The following MYO9B variants were observed in gnomAD, a reference collection of about 807,000 sequenced individuals.
MYO9B encodes the protein myosin IXB.
In MYO9B, 71 loss-of-function variants were observed where a neutral mutation model predicts 229.5. The ratio of observed to expected loss-of-function variants is 0.31; its 90% CI spans 0.26 to 0.38. MYO9B has a LOEUF of 0.38. Ranked by LOEUF, MYO9B falls within the 10% of genes least tolerant of loss-of-function variation. The probability of loss-of-function intolerance (pLI) is 1.00; values close to 1 mark genes in which losing one functional copy is unlikely to be tolerated. For missense variants in MYO9B, 2,255 were observed against 2,920.5 expected (o/e 0.77, Z 5.25); for synonymous variants, 1,185 against 1,235.8 (o/e 0.96, Z 0.86).
At chr19:17,200,499 C>T (rs8107108) in intron 25 of MYO9B, 73 bp downstream of exon 25, 114,546 of 1,519,530 alleles carry the variant, frequency 0.075, 4,786 homozygotes, top group African/African-American at 0.15. Context: ...TGTCCCCAAA[C>T]GGGGCCTTGA....
At chr19:17,158,710 G>C (rs1025568961) in intron 7 of MYO9B, among the ~76,000 whole-genome samples, 3 of 152,162 alleles carry the variant, frequency 2.0e-5, no homozygotes, top group Non-Finnish European at 4.4e-5. Context: ...CGTGTCGGCT[G>C]TCTGGGTAAG....
chr19:17,125,811 GA>G (rs1360415000), intron 2 of MYO9B, among the ~76,000 whole-genome samples: 1 of 152,202 alleles, frequency 6.6e-6, no homozygotes, highest in Non-Finnish European at 1.5e-5. Flanking sequence ...TGAGCAACCA[GA>G]AAAGAACAGA....
In MYO9B at chr19:17,172,299, T is replaced by C. The variant is rs752150628; in HGVS notation, c.1794-37T>C. The stretch of plus-strand genomic sequence containing the variant: ...AATACACAGCAGGTAAATCAGCCGC[T>C]GTTCATGCCTGCAAAGGTTCCATGT... On this transcript the variant is annotated intron_variant, in intron 11 of 39. Transcript: ENST00000682292. The surrounding 1 kb of genome is among the most constrained non-coding windows in gnomAD (Gnocchi z 8.2). 6.2e-7 allele frequency: 1 copy of C among 1,608,646 alleles called. No homozygotes were observed. Among genetic ancestry groups the C allele is most frequent in the South Asian group, 1.1e-5 (1 of 90,950 alleles).
intron 10 of MYO9B, among the ~76,000 whole-genome samples, chr19:17,166,691 C>A (rs1353009203): frequency 6.6e-6 from 1 of 152,048 alleles, no homozygotes; most frequent in African/African-American, 2.4e-5. Context: ...GTGTGTTGTT[C>A]CCCTCTATGT....
At chr19:17,150,496 A>C (rs558133602) in intron 3 of MYO9B, among the ~76,000 whole-genome samples, 1 of 151,696 alleles carries the variant, frequency 6.6e-6, no homozygotes, top group Admixed American at 6.6e-5. Context: ...TGGCCCTGCC[A>C]CTCCTTGGGC....
intron 14 of MYO9B, 147 bp from the exon 15 acceptor site, chr19:17,180,780 T>C: frequency 3.4e-6 from 2 of 581,854 alleles, no homozygotes; most frequent in East Asian, 3.0e-5. Context: ...AGGGGCAGCA[T>C]TGAGCACAGT....
chr19:17,152,186 CA>C lies in MYO9B; in HGVS notation c.936-443del, dbSNP rs537549171. Among the ~76,000 whole-genome samples the C allele has an allele frequency of 1.1e-3, 141 of 127,488 alleles. 1 individual carries two copies. Among genetic ancestry groups the C allele is most frequent in the East Asian group, 9.0e-3 (38 of 4,212 alleles). 83.6% of individuals were successfully genotyped at this position (127,488 alleles called of 152,430 possible). A position where few individuals can be genotyped will look rare whatever the true frequency, so the allele number is the denominator to read the frequency against. On this transcript the variant is annotated intron_variant, in intron 3 of 39. Transcript: ENST00000682292. The stretch of plus-strand genomic sequence containing the variant: ...TGGGCAACAGAGTAAGACTCCATCA[CA>C]AAAAAAAAAAAAAACCCACAAGGAC...
intron 38 of MYO9B, among the ~76,000 whole-genome samples, chr19:17,211,204 C>T (rs1407881830): frequency 6.6e-6 from 1 of 152,030 alleles, no homozygotes; most frequent in East Asian, 1.9e-4. Flanking sequence ...TGGTCTTGAA[C>T]TCCTGACCTC....
Position 17,159,502 on chromosome 19 carries a change from A to G in MYO9B, c.1419+18A>G, listed in dbSNP as rs1271529033. 6.3e-7 allele frequency: 1 copy of G among 1,597,164 alleles called. No homozygotes were observed. Among genetic ancestry groups the G allele is most frequent in the Non-Finnish European group, 8.5e-7 (1 of 1,171,046 alleles). On this transcript the variant is annotated intron_variant, in intron 8 of 39. Coordinates refer to ENST00000682292, the MANE Select transcript of MYO9B (RefSeq NM_004145.4). ...TCAGCGAGGTGAGCTCTGCCCAGGC[A>G]CTCACAGGGTGCCAGATCCCAAAAA...
chr19:17,163,164 A>T, intron 10 of MYO9B, 42 bp downstream of exon 10: 1 of 1,534,906 alleles, frequency 6.5e-7, no homozygotes, highest in East Asian at 2.5e-5. Context: ...AACTTGGTAA[A>T]TCAGACATCA....
intron 15 of MYO9B, among the ~76,000 whole-genome samples, chr19:17,181,325 C>T (rs1010956144): frequency 6.6e-6 from 1 of 152,244 alleles, no homozygotes; most frequent in African/African-American, 2.4e-5. Flanking sequence ...TGCCATCCTC[C>T]GTCTCCTCCC....
chr19:17,194,446 C>A, intron 21 of MYO9B, 110 bp from the exon 22 acceptor site: 2 of 1,244,774 alleles, frequency 1.6e-6, no homozygotes, highest in Non-Finnish European at 2.2e-6. Context: ...CCACTGGGCA[C>A]AGGCGAAGCC....
At chr19:17,198,734 CAAAAAAAA>C (rs59292415) in intron 24 of MYO9B, among the ~76,000 whole-genome samples, 1 of 41,218 alleles carries the variant, frequency 2.4e-5, no homozygotes. Context: ...GACTCCGTCT[CAAAAAAAA>C]AAAAAAAAAA....
At chr19:17,113,785 A>G (rs1341219712) in intron 2 of MYO9B, among the ~76,000 whole-genome samples, 2 of 152,086 alleles carry the variant, frequency 1.3e-5, no homozygotes, top group Non-Finnish European at 2.9e-5. Flanking sequence ...AGCCCAGAGG[A>G]GGAGATAGGA....
chr19:17,125,889 A>T (rs2058012420), intron 2 of MYO9B, among the ~76,000 whole-genome samples: 1 of 152,170 alleles, frequency 6.6e-6, no homozygotes, highest in Admixed American at 6.5e-5. Flanking sequence ...TAGGGGAGCC[A>T]TGAGGTTGGG....
chr19:17,115,409 T>C (rs1282474811), intron 2 of MYO9B, among the ~76,000 whole-genome samples: 2 of 151,660 alleles, frequency 1.3e-5, no homozygotes, highest in Admixed American at 6.6e-5. Context: ...TCTACCCCAG[T>C]ACATCCACCG....
intron 1 of MYO9B, among the ~76,000 whole-genome samples, chr19:17,086,922 A>T (rs916966687): frequency 4.7e-5 from 7 of 148,884 alleles, no homozygotes; most frequent in Non-Finnish European, 7.4e-5. Flanking sequence ...TGTCTGTCCC[A>T]GCAGGGACAG....
intron 19 of MYO9B, among the ~76,000 whole-genome samples, chr19:17,189,764 T>C (rs2072960359): frequency 6.6e-6 from 1 of 152,128 alleles, no homozygotes; most frequent in Non-Finnish European, 1.5e-5. Context: ...GTGGTCTTTC[T>C]TAAGATTACA....
chr19:17,198,008 C>A, intron 23 of MYO9B, 150 bp downstream of exon 23: 1 of 1,314,714 alleles, frequency 7.6e-7, no homozygotes, highest in Non-Finnish European at 1.0e-6. Context: ...TAGTGAGCCT[C>A]GCGAGACCAG....
Sources: allele counts gnomAD v4.1 joint callset (sites outside exome capture counted in the v4.1 genomes callset), GRCh38; gene constraint gnomAD v4.1.1; non-coding constraint Gnocchi (gnomAD v3.1); transcripts MANE v1.5; gene names NCBI Gene and HGNC (gene_info 2026-07-23, HGNC 2026-07-21).